Variants in DNAAF9 observed in about 807,000 individuals in gnomAD.
The protein encoded by DNAAF9 is shulin.
A neutral mutation model predicts 167.0 loss-of-function variants in DNAAF9; 90 were observed. The ratio of observed to expected loss-of-function variants is 0.54; its 90% CI spans 0.45 to 0.64. DNAAF9 has a LOEUF of 0.64. Ranked by LOEUF, DNAAF9 falls within the 30% of genes least tolerant of loss-of-function variation. The pLI, the probability that DNAAF9 is intolerant of heterozygous loss-of-function variation, is 0.00. For synonymous variants in DNAAF9, 491 were observed against 508.8 expected (o/e 0.96, Z 0.47); for missense variants, 1,315 against 1,442.2 (o/e 0.91, Z 1.43).
At chr20:3,323,077 G>A (rs1285665146) in intron 14 of DNAAF9, among the ~76,000 whole-genome samples, 1 of 151,506 alleles carries the variant, frequency 6.6e-6, no homozygotes, top group African/African-American at 2.4e-5. Context: ...AGCCATGGGT[G>A]AGGCCTTCAG....
At chr20:3,348,888 C>G (rs1029600966) in intron 7 of DNAAF9, among the ~76,000 whole-genome samples, 8 of 151,978 alleles carry the variant, frequency 5.3e-5, no homozygotes, top group Admixed American at 6.6e-5. Context: ...TCTGTAGAGG[C>G]AAAAAGTAGA....
At chr20:3,313,777 T>C (rs1314754787) in intron 20 of DNAAF9, among the ~76,000 whole-genome samples, 1 of 152,210 alleles carries the variant, frequency 6.6e-6, no homozygotes, top group Non-Finnish European at 1.5e-5. Context: ...ACTGCTCAGC[T>C]ACAAACAAAG....
intron 1 of DNAAF9, among the ~76,000 whole-genome samples, chr20:3,389,266 C>T (rs1296111032): frequency 2.0e-5 from 3 of 151,744 alleles, no homozygotes; most frequent in African/African-American, 4.8e-5. Context: ...CCACCTCAGC[C>T]TCTTGAGTAG....
Position 3,289,042 on chromosome 20 carries a change from TC to T in DNAAF9, c.2327+1086del, listed in dbSNP as rs1199519523. On this transcript the variant is annotated intron_variant, in intron 26 of 36. Transcript: ENST00000252032. ...TCCTTAGTCAAGTTTTCCCAGACCA[TC>T]CAATTTAAAATTGGAATCTAAGCTG... Among the ~76,000 whole-genome samples, 3 of 152,156 alleles carry T rather than the reference TC, an allele frequency of 2.0e-5. No homozygotes were observed. The East Asian group carries it at 5.8e-4, about 29-fold the overall frequency.
At chr20:3,383,680 T>G (rs557185745) in intron 1 of DNAAF9, among the ~76,000 whole-genome samples, 1 of 151,900 alleles carries the variant, frequency 6.6e-6, no homozygotes, top group Non-Finnish European at 1.5e-5. Flanking sequence ...CCAGGCATCA[T>G]CCCCATCCCT....
In DNAAF9 at chr20:3,318,345, C is replaced by T; in HGVS notation, c.1412G>A (p.Gly471Glu). The T allele has an allele frequency of 6.2e-7, 1 of 1,607,448 alleles. No individual in the cohort carries two copies. Among genetic ancestry groups the T allele is most frequent in the African/African-American group, 1.3e-5 (1 of 74,798 alleles). The change falls in exon 17 of 37, where the codon GGA becomes GAA. Residue 471 changes from glycine to glutamate, a missense_variant. Physicochemically the swap from Gly to Glu is moderately conservative, Grantham distance 98. Coordinates refer to ENST00000252032, the MANE Select transcript of DNAAF9 (RefSeq NM_001009984.3). ...PDLLGGNGCL[G>E]SVVFSESFLT... is the part of the protein sequence containing the mutation. ...AAATGATTCAGAGAAAACCACAGAT[C>T]CTAAACAACCATTGCCTCCCAGTAA...
rs10687919 is a variant in DNAAF9 at position 3,353,108 on chromosome 20, G to GATAT, written c.691-4489_691-4486dup. On this transcript the variant is annotated intron_variant, in intron 7 of 36. Transcript: ENST00000252032. Reference sequence around the variant, plus strand: ...ATACAGATGTTATATAATATATACAGATATATATAACATATATATAACATA... The same window carrying GATAT: ...ATACAGATGTTATATAATATATACAGATATATATATATAACATATATATAACATA... Among the ~76,000 whole-genome samples the GATAT allele has an allele frequency of 1.1e-4, 17 of 148,134 alleles. No homozygotes were observed. The East Asian group carries it at 2.5e-3, about 22-fold the overall frequency.
At chr20:3,335,344 A>G (rs992501063) in intron 10 of DNAAF9, among the ~76,000 whole-genome samples, 1 of 152,174 alleles carries the variant, frequency 6.6e-6, no homozygotes, top group African/African-American at 2.4e-5. Flanking sequence ...TTCTAGAAGG[A>G]TATTTTTGTT....
chr20:3,375,698 A>G (rs1426229065), intron 4 of DNAAF9, among the ~76,000 whole-genome samples: 1 of 152,120 alleles, frequency 6.6e-6, no homozygotes, highest in Non-Finnish European at 1.5e-5. Flanking sequence ...CGTCTCTACT[A>G]AAAATACAAA....
intron 14 of DNAAF9, among the ~76,000 whole-genome samples, chr20:3,323,625 G>A (rs2069659081): frequency 1.3e-5 from 2 of 152,176 alleles, no homozygotes; most frequent in South Asian, 4.1e-4. Context: ...GGGGCTCTAG[G>A]TGGAAGACTG....
chr20:3,264,383 A>G (rs2122770513), intron 31 of DNAAF9, 55 bp downstream of exon 31: 9 of 830,324 alleles, frequency 1.1e-5, no homozygotes, highest in Admixed American at 2.1e-5. Context: ...CTGTAAATAA[A>G]TAAATCATTG....
At chr20:3,356,171 C>T (rs1181108038) in intron 7 of DNAAF9, among the ~76,000 whole-genome samples, 2 of 152,186 alleles carry the variant, frequency 1.3e-5, no homozygotes, top group African/African-American at 2.4e-5. Flanking sequence ...GCATGTGCCA[C>T]AATGCTCAGC....
chr20:3,318,473 C>T (rs2069550448), intron 16 of DNAAF9, 73 bp from the exon 17 acceptor site: 1 of 755,486 alleles, frequency 1.3e-6, no homozygotes. Context: ...AGAATGAGAC[C>T]ACAAATACTG....
intron 22 of DNAAF9, among the ~76,000 whole-genome samples, chr20:3,297,583 C>G (rs2069103870): frequency 6.6e-6 from 1 of 152,068 alleles, no homozygotes; most frequent in Non-Finnish European, 1.5e-5. Flanking sequence ...TCGTTTCATT[C>G]TCGTAAACTC....
Position 3,294,152 on chromosome 20 carries a change from A to G in DNAAF9, c.2225T>C (p.Ile742Thr), listed in dbSNP as rs1236201540. ...GAGCTCCTCTACCTTGTCACTTTCTATTCTGTGAGTAGTGTTGATTTCAGC... is the reference window on the plus strand; with the variant it reads ...GAGCTCCTCTACCTTGTCACTTTCTGTTCTGTGAGTAGTGTTGATTTCAGC... Reference protein sequence around the residue: ...QQAEINTTHRIESDKVIISIV... With the variant: ...QQAEINTTHRTESDKVIISIV... The change falls in exon 25 of 37, where the codon ATA (isoleucine) becomes ACA (threonine). Residue 742 changes from isoleucine (I) to threonine (T), a missense_variant. Ile to Thr is a moderately conservative substitution (Grantham distance 89). Around this residue, in one of 2 missense-constraint regions of DNAAF9, gnomAD observed 981 missense variants for 1,012.5 expected, o/e 0.97. Coordinates refer to ENST00000252032, the MANE Select transcript of DNAAF9 (RefSeq NM_001009984.3). 3.2e-6 allele frequency: 5 copies of G among 1,585,894 alleles called. No individual in the cohort carries two copies. The highest frequency in any genetic ancestry group is 1.3e-5 in the African/African-American group (1 of 74,412).
At chr20:3,343,163 A>T (rs2123118031) in intron 9 of DNAAF9, among the ~76,000 whole-genome samples, 1 of 152,270 alleles carries the variant, frequency 6.6e-6, no homozygotes, top group East Asian at 1.9e-4. Context: ...GACAACAGTG[A>T]TTTATTTATT....
chr20:3,372,239 A>G (rs987398190), intron 6 of DNAAF9, among the ~76,000 whole-genome samples: 2 of 152,258 alleles, frequency 1.3e-5, no homozygotes, highest in Admixed American at 1.3e-4. Flanking sequence ...TAGAGAGGGC[A>G]CTGGCAGAGC....
intron 30 of DNAAF9, among the ~76,000 whole-genome samples, chr20:3,265,676 T>G (rs2068477925): frequency 6.9e-6 from 1 of 144,706 alleles, no homozygotes; most frequent in Non-Finnish European, 1.5e-5. Flanking sequence ...ATACATTCCT[T>G]TTTTTTTTTT....
chr20:3,259,905 T>A lies in DNAAF9; in HGVS notation c.2980+17A>T. 6.9e-7 allele frequency: 1 copy of A among 1,447,946 alleles called. No individual in the cohort carries two copies. The allele number at this position is 1,447,946 out of a possible 1,614,324, so 89.7% of individuals were successfully genotyped here. A position where few individuals can be genotyped will look rare whatever the true frequency, so the allele number is the denominator to read the frequency against. On this transcript the variant is annotated intron_variant, in intron 32 of 36. Transcript: ENST00000252032. ...CACCCTTTTTCCAGTGTCTAGGACATCTCAGTCAAGGCTTACCTTTACATT... is the reference window on the plus strand; with the variant it reads ...CACCCTTTTTCCAGTGTCTAGGACAACTCAGTCAAGGCTTACCTTTACATT...
Sources: allele counts gnomAD v4.1 joint callset (sites outside exome capture counted in the v4.1 genomes callset), GRCh38; gene constraint gnomAD v4.1.1; regional missense constraint gnomAD v4.1.1; transcripts MANE v1.5; gene names NCBI Gene and HGNC (gene_info 2026-07-23, HGNC 2026-07-21).